Variants in SGCZ observed in about 807,000 individuals in gnomAD.
SGCZ encodes sarcoglycan zeta.
SGCZ carries 40 observed loss-of-function variants against 41.3 expected under a neutral mutation model. The ratio of observed to expected loss-of-function variants is 0.97; its 90% CI spans 0.75 to 1.26. The LOEUF is 1.26. SGCZ is among the 50% of genes most tolerant of loss of function. SGCZ has a pLI of 0.00. For synonymous variants in SGCZ, 206 were observed against 137.5 expected (o/e 1.50, Z -3.49); for missense variants, 552 against 369.8 (o/e 1.49, Z -4.04).
At chr8:14,172,389 T>C (rs767001332) in intron 4 of SGCZ, among the ~76,000 whole-genome samples, 2 of 152,156 alleles carry the variant, frequency 1.3e-5, no homozygotes, top group Non-Finnish European at 2.9e-5. Context: ...TTTTATTTCA[T>C]TAGCAAATGA....
chr8:14,741,930 T>A (rs1799208459), intron 1 of SGCZ, among the ~76,000 whole-genome samples: 1 of 152,068 alleles, frequency 6.6e-6, no homozygotes, highest in Non-Finnish European at 1.5e-5. Context: ...CATATAAACT[T>A]AAGGTGGCAA....
At chr8:15,077,449 G>A (rs962909789) in intron 1 of SGCZ, among the ~76,000 whole-genome samples, 1 of 152,202 alleles carries the variant, frequency 6.6e-6, no homozygotes, top group Non-Finnish European at 1.5e-5. Flanking sequence ...AAAAGCACTA[G>A]ACAATCCTTA....
At position 14,558,574 on chromosome 8, in the gene SGCZ, TAGAGAGAG is replaced by T. The variant is rs146179658; in HGVS notation, c.40-3656_40-3649del. Among the ~76,000 whole-genome samples, 115 of 99,810 alleles carry T rather than the reference TAGAGAGAG, an allele frequency of 1.2e-3. 1 individual carries two copies. The highest frequency in any genetic ancestry group is 2.9e-3 in the Admixed American group (28 of 9,560). 65.5% of individuals were successfully genotyped at this position (99,810 alleles called of 152,430 possible). A position where few individuals can be genotyped will look rare whatever the true frequency, so the allele number is the denominator to read the frequency against. ...TGGGTGACAGAATGAGAATGACTCT[TAGAGAGAG>T]AGAGAGAGAGAGAGAGAGAGAGAGA... On this transcript the variant is annotated intron_variant, in intron 1 of 7. Coordinates refer to ENST00000382080, the MANE Select transcript of SGCZ (RefSeq NM_139167.4).
intron 5 of SGCZ, among the ~76,000 whole-genome samples, chr8:14,129,900 C>CT (rs1284737721): frequency 6.6e-6 from 1 of 152,142 alleles, no homozygotes; most frequent in Non-Finnish European, 1.5e-5. Context: ...TATGGTTAAG[C>CT]TGTCAGTGTT....
At chr8:14,382,216 C>T (rs1374408467) in intron 2 of SGCZ, among the ~76,000 whole-genome samples, 1 of 152,128 alleles carries the variant, frequency 6.6e-6, no homozygotes, top group Non-Finnish European at 1.5e-5. Flanking sequence ...ATCATCACCC[C>T]CTTGAGCTCT....
chr8:14,173,739 A>G (rs1227598674), intron 4 of SGCZ, among the ~76,000 whole-genome samples: 2 of 143,342 alleles, frequency 1.4e-5, no homozygotes, highest in Non-Finnish European at 3.2e-5. Flanking sequence ...TAAACAAAAG[A>G]TAGAGGAGAT....
intron 1 of SGCZ, among the ~76,000 whole-genome samples, chr8:15,078,711 G>GTA (rs956024644): frequency 2.0e-5 from 3 of 149,350 alleles, no homozygotes; most frequent in Admixed American, 6.6e-5. Flanking sequence ...GCATGTGTGT[G>GTA]TATATATATA....
In SGCZ at chr8:14,102,391, TTGCAGATGGAGCTCCTTCC is replaced by T; in HGVS notation, c.710_728del (p.Arg237AsnfsTer9). 1 of 1,516,588 alleles carries T rather than the reference TTGCAGATGGAGCTCCTTCC, an allele frequency of 6.6e-7. No homozygotes were observed. Among genetic ancestry groups the T allele is most frequent in the Admixed American group, 1.8e-5 (1 of 55,698 alleles). 93.9% of individuals were successfully genotyped at this position (1,516,588 alleles called of 1,614,324 possible). A position where few individuals can be genotyped will look rare whatever the true frequency, so the allele number is the denominator to read the frequency against. On this transcript the variant is annotated frameshift_variant, in exon 7 of 8. Coordinates refer to ENST00000382080, the MANE Select transcript of SGCZ (RefSeq NM_139167.4). LOFTEE classifies it high-confidence loss of function. The stretch of plus-strand genomic sequence containing the variant: ...TGGGACTCACCTCCCCTTCTGTAGA[TTGCAGATGGAGCTCCTTCC>T]TGCAGGTGGCCTTGAAGTCTCCTGC...
At chr8:14,236,420 C>A (rs1382142) in intron 4 of SGCZ, among the ~76,000 whole-genome samples, 1 of 151,808 alleles carries the variant, frequency 6.6e-6, no homozygotes, top group Admixed American at 6.6e-5. Context: ...GCTAAAATGT[C>A]TCCTTTTTGG....
intron 2 of SGCZ, among the ~76,000 whole-genome samples, chr8:14,510,152 A>G (rs1802426677): frequency 6.6e-6 from 1 of 152,188 alleles, no homozygotes; most frequent in Non-Finnish European, 1.5e-5. Flanking sequence ...TCAGAAAAAT[A>G]TAATTTCGTA....
chr8:14,800,042 T>C (rs1428771147), intron 1 of SGCZ, among the ~76,000 whole-genome samples: 1 of 152,224 alleles, frequency 6.6e-6, no homozygotes, highest in East Asian at 1.9e-4. Flanking sequence ...GCACAGAGGT[T>C]AGCTATTCCA....
chr8:14,562,608 T>C lies in SGCZ; in HGVS notation c.40-7682A>G, dbSNP rs117955406. On this transcript the variant is annotated intron_variant, in intron 1 of 7. Transcript: ENST00000382080. ...ATGAGACTAAAATGAAGAAGAGACA[T>C]AAAAGAAGTTTTTATTTGAAGGCCT... Among the ~76,000 whole-genome samples the C allele has an allele frequency of 7.0e-3, 1,063 of 152,090 alleles. 4 individuals are homozygous for C. Among genetic ancestry groups the C allele is most frequent in the Middle Eastern group, 0.017 (5 of 294 alleles).
intron 2 of SGCZ, among the ~76,000 whole-genome samples, chr8:14,401,154 T>C (rs947888403): frequency 1.3e-5 from 2 of 152,164 alleles, no homozygotes; most frequent in Non-Finnish European, 2.9e-5. Flanking sequence ...ATTAATCTTG[T>C]CCAAACTAAT....
At chr8:14,390,372 G>C (rs1804726160) in intron 2 of SGCZ, among the ~76,000 whole-genome samples, 1 of 151,462 alleles carries the variant, frequency 6.6e-6, no homozygotes, top group Non-Finnish European at 1.5e-5. Context: ...TCTAATAATT[G>C]TAATAATAAA....
chr8:14,106,274 A>G (rs1288667130), intron 6 of SGCZ, among the ~76,000 whole-genome samples: 3 of 152,232 alleles, frequency 2.0e-5, no homozygotes, highest in Non-Finnish European at 4.4e-5. Context: ...GATACAATAA[A>G]TATTTTCACA....
chr8:14,766,032 G>A (rs1397166009), intron 1 of SGCZ, among the ~76,000 whole-genome samples: 4 of 149,258 alleles, frequency 2.7e-5, no homozygotes, highest in African/African-American at 7.4e-5. Flanking sequence ...GCATGATCTC[G>A]GCTCACTGCA....
intron 1 of SGCZ, among the ~76,000 whole-genome samples, chr8:14,649,652 G>A (rs2117451538): frequency 6.6e-6 from 1 of 152,100 alleles, no homozygotes; most frequent in African/African-American, 2.4e-5. Flanking sequence ...TTCAGTTACT[G>A]GAAAATAAAC....
At chr8:14,587,426 C>A (rs1585103004) in intron 1 of SGCZ, among the ~76,000 whole-genome samples, 2 of 150,590 alleles carry the variant, frequency 1.3e-5, no homozygotes, top group East Asian at 3.9e-4. Context: ...AATTCCAGTA[C>A]TTTGGGAGAC....
At chr8:14,549,862 G>A (rs1803746159) in intron 2 of SGCZ, among the ~76,000 whole-genome samples, 1 of 151,916 alleles carries the variant, frequency 6.6e-6, no homozygotes, top group Non-Finnish European at 1.5e-5. Context: ...GATCAGATTT[G>A]TAGCTTAGGA....
Sources: gnomAD v4.1 joint callset for allele counts (sites outside exome capture counted in the v4.1 genomes callset) on GRCh38, gnomAD v4.1.1 for gene constraint, MANE v1.5 for transcripts, NCBI Gene and HGNC (gene_info 2026-07-23, HGNC 2026-07-21) for gene names.